The following TTC8 variants were observed in gnomAD, a reference collection of about 807,000 sequenced individuals.
The protein encoded by TTC8 is tetratricopeptide repeat domain 8, also known as tetratricopeptide repeat protein 8.
TTC8 carries 47 observed loss-of-function variants against 72.5 expected under a neutral mutation model. The observed-to-expected ratio is 0.65, with a 90% confidence interval of 0.51 to 0.83. The LOEUF is 0.83. Ranked by LOEUF, TTC8 falls within the 40% of genes least tolerant of loss-of-function variation. TTC8 has a pLI of 0.00. For synonymous variants in TTC8, 199 were observed against 221.4 expected (o/e 0.90, Z 0.90); for missense variants, 611 against 623.2 (o/e 0.98, Z 0.21).
chr14:88,829,471 C>T (rs1038493028), intron 1 of TTC8, among the ~76,000 whole-genome samples: 1 of 152,168 alleles, frequency 6.6e-6, no homozygotes, highest in Admixed American at 6.5e-5. Flanking sequence ...GCTTTAAAAC[C>T]AGTCCTGATT....
At chr14:88,831,447 C>G (rs2094725671) in intron 1 of TTC8, among the ~76,000 whole-genome samples, 1 of 152,196 alleles carries the variant, frequency 6.6e-6, no homozygotes, top group African/African-American at 2.4e-5. Flanking sequence ...GGAGCAGTAC[C>G]AGCCAATAAA....
chr14:88,838,246 A>G (rs2094762393), intron 2 of TTC8, among the ~76,000 whole-genome samples: 1 of 152,154 alleles, frequency 6.6e-6, no homozygotes, highest in Admixed American at 6.5e-5. Flanking sequence ...GTCATATTTC[A>G]CCCAGTAGGT....
chr14:88,872,932 A>G (rs528612379), intron 13 of TTC8, among the ~76,000 whole-genome samples: 1 of 152,244 alleles, frequency 6.6e-6, no homozygotes, highest in East Asian at 1.9e-4. Context: ...CATCTCTTGC[A>G]TGGACTACTA....
chr14:88,839,394 G>A, intron 2 of TTC8, 58 bp from the exon 3 acceptor site: 3 of 1,560,848 alleles, frequency 1.9e-6, no homozygotes, highest in Non-Finnish European at 2.6e-6. Flanking sequence ...ATTTCTATAA[G>A]CTGTGTAGTA....
intron 8 of TTC8, among the ~76,000 whole-genome samples, chr14:88,854,714 C>T (rs901165276): frequency 2.6e-5 from 4 of 152,066 alleles, no homozygotes; most frequent in Admixed American, 1.3e-4. Flanking sequence ...GAGATGGGAT[C>T]TTGCTCTTTC....
chr14:88,845,467 C>G (rs2140985569), intron 7 of TTC8, among the ~76,000 whole-genome samples: 1 of 152,084 alleles, frequency 6.6e-6, no homozygotes, highest in East Asian at 1.9e-4. Context: ...ACAGCCTGGG[C>G]CACATGTATA....
chr14:88,847,163 C>G lies in TTC8; in HGVS notation c.624+3313C>G, dbSNP rs147837722. ...GTTAATAAAAGCTCCGCAGGCAATG[C>G]TAATTTTCAGGCAGGATTGGAAAAT... On this transcript the variant is annotated intron_variant, in intron 7 of 14. Coordinates refer to ENST00000380656, the MANE Select transcript of TTC8 (RefSeq NM_144596.4). 2.3e-3 allele frequency among the ~76,000 whole-genome samples: 354 copies of G among 152,254 alleles called. 1 individual carries two copies. Among genetic ancestry groups the G allele is most frequent in the Non-Finnish European group, 4.5e-3 (305 of 68,006 alleles).
intron 1 of TTC8, 123 bp from the exon 2 acceptor site, chr14:88,833,570 A>AT: frequency 1.2e-6 from 1 of 814,906 alleles, no homozygotes; most frequent in South Asian, 1.5e-5. Context: ...ACTAAAGTTA[A>AT]TTTTTTGGAT....
chr14:88,835,705 G>A (rs2094747489), intron 2 of TTC8, among the ~76,000 whole-genome samples: 1 of 152,060 alleles, frequency 6.6e-6, no homozygotes, highest in Non-Finnish European at 1.5e-5. Context: ...TTAAGGGGTA[G>A]TTTGGGATTA....
chr14:88,846,748 C>T, intron 7 of TTC8: 1 of 867,322 alleles, frequency 1.2e-6, no homozygotes. Context: ...GTAATTTTTA[C>T]ATATTATGTT....
intron 10 of TTC8, 30 bp from the exon 11 acceptor site, chr14:88,870,029 A>C (rs200853740): frequency 5.9e-4 from 958 of 1,612,046 alleles, no homozygotes; most frequent in Non-Finnish European, 7.6e-4. Flanking sequence ...TATTAATAAA[A>C]TATTGCTCTT....
At position 88,870,049 on chromosome 14, in the gene TTC8, T is replaced by C; in HGVS notation, c.910-10T>C. 2.5e-6 allele frequency: 4 copies of C among 1,613,676 alleles called. No individual in the cohort carries two copies. Among genetic ancestry groups the C allele is most frequent in the Non-Finnish European group, 3.4e-6 (4 of 1,179,766 alleles). On this transcript the variant is annotated splice_polypyrimidine_tract_variant and intron_variant, in intron 10 of 14. Transcript: ENST00000380656. ...ATAAAATATTGCTCTTCTCTCTTGATGGAGAATAGGAAATGAACAATATGT... is the reference window on the plus strand; with the variant it reads ...ATAAAATATTGCTCTTCTCTCTTGACGGAGAATAGGAAATGAACAATATGT...
intron 10 of TTC8, among the ~76,000 whole-genome samples, chr14:88,862,833 A>T (rs1164456593): frequency 6.6e-6 from 1 of 150,898 alleles, no homozygotes; most frequent in East Asian, 2.0e-4. Context: ...TAAATTTTAG[A>T]GTCATGTCGT....
intron 1 of TTC8, chr14:88,830,937 T>G (rs1379736740): frequency 2.2e-6 from 1 of 455,916 alleles, no homozygotes; most frequent in Non-Finnish European, 4.4e-6. Context: ...CATCCTACGG[T>G]AGTCTGTGTT....
chr14:88,869,151 A>G (rs543124967), intron 10 of TTC8, among the ~76,000 whole-genome samples: 1 of 152,344 alleles, frequency 6.6e-6, no homozygotes, highest in South Asian at 2.1e-4. Flanking sequence ...GAAGACAGCT[A>G]TGTGAAGTGA....
intron 7 of TTC8, among the ~76,000 whole-genome samples, chr14:88,847,158 C>T (rs2094810662): frequency 6.6e-6 from 1 of 152,120 alleles, no homozygotes; most frequent in South Asian, 2.1e-4. Context: ...GCTCCGCAGG[C>T]AATGCTAATT....
downstream of TTC8, chr14:88,878,224 A>G (rs1045590055): frequency 2.0e-5 from 3 of 152,184 alleles, no homozygotes; most frequent in Non-Finnish European, 4.4e-5. Flanking sequence ...CAGCCACAGC[A>G]CGGAAGTCAG....
intron 1 of TTC8, among the ~76,000 whole-genome samples, chr14:88,832,098 T>C (rs1358955485): frequency 6.6e-6 from 1 of 151,996 alleles, no homozygotes; most frequent in African/African-American, 2.4e-5. Flanking sequence ...GGCCTCTCAT[T>C]TTCTCTTCTG....
chr14:88,866,414 C>CACAG (rs60586870), intron 10 of TTC8, among the ~76,000 whole-genome samples: 1 of 150,716 alleles, frequency 6.6e-6, no homozygotes, highest in Non-Finnish European at 1.5e-5. Context: ...CACACACACA[C>CACAG]GCACACACAA....
Sources: gnomAD v4.1 joint callset for allele counts (sites outside exome capture counted in the v4.1 genomes callset) on GRCh38, gnomAD v4.1.1 for gene constraint, MANE v1.5 for transcripts, NCBI Gene and HGNC (gene_info 2026-07-23, HGNC 2026-07-21) for gene names.